MYO10: variants seen among roughly 807,000 people sequenced by gnomAD.
MYO10 encodes unconventional myosin-X.
MYO10 carries 133 observed loss-of-function variants against 257.3 expected under a neutral mutation model. The ratio of observed to expected loss-of-function variants is 0.52; its 90% confidence interval spans 0.45 to 0.60. The LOEUF is 0.60. Ranked by LOEUF, MYO10 falls within the 20% of genes least tolerant of loss-of-function variation. The pLI, the probability that MYO10 is intolerant of heterozygous loss-of-function variation, is 0.00. For missense variants in MYO10, 2,399 were observed against 2,635.7 expected (o/e 0.91, Z 1.97); for synonymous variants, 1,104 against 1,028.6 (o/e 1.07, Z -1.40).
rs1736042206 is a variant in MYO10 at position 16,663,328 on chromosome 5, G to GTTTGTTTTTTTTTTT, written c.*3363_*3364insAAAAAAAAAAACAAA. On this transcript the variant is annotated 3_prime_UTR_variant, in exon 41 of 41. Coordinates refer to ENST00000513610, the MANE Select transcript of MYO10 (RefSeq NM_012334.3). ...AAAAAGTAACATTTTACTTCTAGTTGTTTTTTTTTTTTTTTTTTTTTTTTT... is the reference window on the plus strand; with the variant it reads ...AAAAAGTAACATTTTACTTCTAGTTGTTTGTTTTTTTTTTTTTTTTTTTTTTTTTTTTTTTTTTTT... 2.6e-5 allele frequency: 2 copies of GTTTGTTTTTTTTTTT among 76,888 alleles called. No individual in the cohort carries two copies. The highest frequency in any genetic ancestry group is 1.3e-4 in the African/African-American group (2 of 15,498). 4.8% of individuals were successfully genotyped at this position (76,888 alleles called of 1,614,324 possible).
chr5:16,923,860 G>A (rs2126803020), intron 1 of MYO10, among the ~76,000 whole-genome samples: 1 of 152,246 alleles, frequency 6.6e-6, no homozygotes. Context: ...GAGGCCAAAG[G>A]GGAAGAATCC....
At chr5:16,812,313 G>A (rs1029499389) in intron 3 of MYO10, among the ~76,000 whole-genome samples, 9 of 152,296 alleles carry the variant, frequency 5.9e-5, no homozygotes, top group Admixed American at 2.6e-4. Flanking sequence ...TACAGCCAGC[G>A]CAGAGGGGCT....
At chr5:16,799,611 G>C (rs253363) in intron 3 of MYO10, among the ~76,000 whole-genome samples, 77,518 of 151,732 alleles carry the variant, frequency 0.51, 20,002 homozygotes, top group South Asian at 0.62. Flanking sequence ...TCCTGTCTCA[G>C]CTTCCCAAGT....
intron 9 of MYO10, among the ~76,000 whole-genome samples, chr5:16,778,743 T>C (rs766323508): frequency 1.4e-5 from 2 of 139,930 alleles, no homozygotes; most frequent in African/African-American, 5.5e-5. Context: ...CAGGCTGGAG[T>C]GCAGTTGCGC....
At chr5:16,798,214 T>C (rs1402098885) in intron 3 of MYO10, among the ~76,000 whole-genome samples, 2 of 152,040 alleles carry the variant, frequency 1.3e-5, no homozygotes, top group Non-Finnish European at 1.5e-5. Context: ...AATTACCCAG[T>C]GTGTGGTATC....
rs923292335 is a variant in MYO10, at chr5:16,683,771, T to C, written c.4046+109A>G. Reference sequence around the variant, plus strand: ...GTTGACAAGGTGGGAACACACAGCCTTGCGTGATTTCACAGCCCTGTGAAG... The same window carrying C: ...GTTGACAAGGTGGGAACACACAGCCCTGCGTGATTTCACAGCCCTGTGAAG... On this transcript the variant is annotated intron_variant, in intron 30 of 40. Transcript: ENST00000513610. 5 of 1,087,138 alleles carry C rather than the reference T, an allele frequency of 4.6e-6. No individual in the cohort carries two copies. In the African/African-American group the frequency reaches 7.8e-5, roughly 17 times the overall value. The allele number at this position is 1,087,138 out of a possible 1,614,324, so 67.3% of individuals were successfully genotyped here. A position where few individuals can be genotyped will look rare whatever the true frequency, so the allele number is the denominator to read the frequency against.
At chr5:16,679,848 G>C in intron 33 of MYO10, 99 bp downstream of exon 33, 5 of 1,449,144 alleles carry the variant, frequency 3.5e-6, no homozygotes, top group Non-Finnish European at 4.6e-6. Flanking sequence ...TTTGATTACA[G>C]AAAAAAAACT....
At chr5:16,796,479 A>AAAG (rs879289733) in intron 3 of MYO10, among the ~76,000 whole-genome samples, 39,054 of 115,188 alleles carry the variant, frequency 0.34, 6,897 homozygotes, top group Non-Finnish European at 0.39. Context: ...AAAAGAAAAG[A>AAAG]AAAGAAAGAA....
chr5:16,921,356 TA>T (rs1745975398), intron 1 of MYO10, among the ~76,000 whole-genome samples: 1 of 151,878 alleles, frequency 6.6e-6, no homozygotes, highest in Non-Finnish European at 1.5e-5. Flanking sequence ...AAAAAGCACT[TA>T]GGGGGTGAGG....
At chr5:16,739,985 T>A (rs1739959084) in intron 19 of MYO10, among the ~76,000 whole-genome samples, 1 of 152,044 alleles carries the variant, frequency 6.6e-6, no homozygotes, top group Admixed American at 6.6e-5. Context: ...TAGAAAGAAC[T>A]TGCCGGAGAA....
intron 26 of MYO10, among the ~76,000 whole-genome samples, chr5:16,697,483 C>A (rs1737806096): frequency 6.6e-6 from 1 of 152,116 alleles, no homozygotes; most frequent in Non-Finnish European, 1.5e-5. Flanking sequence ...GGGCAGATCA[C>A]AAGGTTAGGA....
chr5:16,701,896 C>T lies in MYO10; in HGVS notation c.2557-58G>A. The T allele has an allele frequency of 1.3e-6, 2 of 1,524,200 alleles. No individual in the cohort carries two copies. The highest frequency in any genetic ancestry group is 2.3e-5 in the East Asian group (1 of 44,358). 94.4% of individuals were successfully genotyped at this position (1,524,200 alleles called of 1,614,324 possible). On this transcript the variant is annotated intron_variant, in intron 24 of 40. Coordinates refer to ENST00000513610, the MANE Select transcript of MYO10 (RefSeq NM_012334.3). This position sits in a 1 kb window ranked among gnomAD's most constrained non-coding sequence, Gnocchi z 8.1. The stretch of plus-strand genomic sequence containing the variant: ...CTTCAGTACAAAAGTCCAAGCATAG[C>T]TCCCGCTTTGCAACCAGGATGAAAT...
chr5:16,739,232 A>G (rs1739926292), intron 19 of MYO10, among the ~76,000 whole-genome samples: 2 of 151,822 alleles, frequency 1.3e-5, no homozygotes, highest in South Asian at 4.1e-4. Flanking sequence ...AAACCATTCA[A>G]TCCTCACACT....
At chr5:16,715,772 A>G (rs1012781894) in intron 19 of MYO10, among the ~76,000 whole-genome samples, 2 of 152,202 alleles carry the variant, frequency 1.3e-5, no homozygotes, top group South Asian at 4.2e-4. Context: ...TAAGTACATT[A>G]AGGCCAGGCG....
At chr5:16,835,492 G>GTTTT (rs1554001242) in intron 2 of MYO10, among the ~76,000 whole-genome samples, 5,718 of 80,810 alleles carry the variant, frequency 0.071, 201 homozygotes, top group East Asian at 0.12. Context: ...ATTTTTGGCT[G>GTTTT]TTTTTTTTTT....
At chr5:16,879,535 G>A (rs1199238169) in intron 1 of MYO10, among the ~76,000 whole-genome samples, 3 of 152,130 alleles carry the variant, frequency 2.0e-5, no homozygotes, top group Non-Finnish European at 4.4e-5. Flanking sequence ...TGTAAACTAG[G>A]AATCCTCTCA....
rs1055750868 is a variant in MYO10, at chr5:16,741,911, C to T, written c.1929+12917G>A. Reference sequence around the variant, plus strand: ...GACAGACACAAAAATGGGCTTTCTTCGGCTGGCTGGTGTTCCCAGCCTTTT... The same window carrying T: ...GACAGACACAAAAATGGGCTTTCTTTGGCTGGCTGGTGTTCCCAGCCTTTT... On this transcript the variant is annotated intron_variant, in intron 19 of 40. Coordinates refer to ENST00000513610, the MANE Select transcript of MYO10 (RefSeq NM_012334.3). The T allele has an allele frequency of 3.2e-5, 32 of 985,252 alleles. No individual in the cohort carries two copies. The African/African-American group carries it at 4.5e-4, about 14-fold the overall frequency. 61.0% of individuals were successfully genotyped at this position (985,252 alleles called of 1,614,324 possible).
At chr5:16,880,703 C>T (rs1268218729) in intron 1 of MYO10, among the ~76,000 whole-genome samples, 1 of 152,186 alleles carries the variant, frequency 6.6e-6, no homozygotes, top group Non-Finnish European at 1.5e-5. Flanking sequence ...TCACCCCCTA[C>T]TCTTGCTTCA....
intron 1 of MYO10, among the ~76,000 whole-genome samples, chr5:16,892,758 C>T (rs558996224): frequency 1.2e-4 from 19 of 152,262 alleles, no homozygotes; most frequent in Non-Finnish European, 2.2e-4. Context: ...GCTTTCAGCC[C>T]TCATATTGCT....
Sources: gnomAD v4.1 joint callset for allele counts (sites outside exome capture counted in the v4.1 genomes callset) on GRCh38, gnomAD v4.1.1 for gene constraint, Gnocchi (gnomAD v3.1) non-coding constraint, MANE v1.5 for transcripts, NCBI Gene and HGNC (gene_info 2026-07-23, HGNC 2026-07-21) for gene names.